CYFIP1: variants seen among roughly 807,000 people sequenced by gnomAD.
CYFIP1 encodes cytoplasmic FMR1-interacting protein 1.
CYFIP1 carries 58 observed loss-of-function variants against 163.5 expected under a neutral mutation model. That is an observed-to-expected ratio of 0.35 (90% CI 0.29 to 0.44). CYFIP1 has a LOEUF of 0.44. Ranked by LOEUF, CYFIP1 falls within the 20% of genes least tolerant of loss-of-function variation. The probability of loss-of-function intolerance (pLI) is 1.00; values close to 1 mark genes in which losing one functional copy is unlikely to be tolerated. For missense variants in CYFIP1, 1,338 were observed against 1,653.8 expected (o/e 0.81, Z 3.31); for synonymous variants, 663 against 660.7 (o/e 1.00, Z -0.05).
At chr15:22,923,905 T>C (rs572445898) in intron 13 of CYFIP1, among the ~76,000 whole-genome samples, 57 of 125,094 alleles carry the variant, frequency 4.6e-4, no homozygotes, top group African/African-American at 1.7e-3. Context: ...ATCCTGCCAC[T>C]GCACTCCAGT....
At chr15:22,967,430 T>C (rs370447520) in intron 1 of CYFIP1, among the ~76,000 whole-genome samples, 29 of 152,320 alleles carry the variant, frequency 1.9e-4, no homozygotes, top group African/African-American at 6.7e-4. Context: ...TAGTCTTGGC[T>C]AAGTCTACAG....
At position 22,869,558 on chromosome 15, in the gene CYFIP1, T is replaced by A. The variant is rs1032359820; in HGVS notation, c.*470A>T. On this transcript the variant is annotated 3_prime_UTR_variant, in exon 31 of 31. Transcript: ENST00000617928. ...TTTAGTGGAAGCAGGGGAATCAAGTTCACTATTTTCTGAAACACACAAAAA... is the reference window on the plus strand; with the variant it reads ...TTTAGTGGAAGCAGGGGAATCAAGTACACTATTTTCTGAAACACACAAAAA... The A allele has an allele frequency of 2.0e-5, 3 of 152,622 alleles. No individual in the cohort carries two copies. The highest frequency in any genetic ancestry group is 7.2e-5 in the African/African-American group (3 of 41,460). The allele number at this position is 152,622 out of a possible 1,614,324, so 9.5% of individuals were successfully genotyped here.
At position 22,939,294 on chromosome 15, in the gene CYFIP1, A is replaced by C; in HGVS notation, c.693T>G (p.Ile231Met). The change falls in exon 8 of 31, where the codon ATT becomes ATG. Residue 231 changes from isoleucine (I) to methionine (M), a missense_variant. Physicochemically the swap from Ile to Met is conservative, Grantham distance 10. Transcript: ENST00000617928. Reference sequence around the variant, plus strand: ...CTGCCAGGAGCTCTTCGTAGCCAGAAATCACTTCGAGCTGCTGCTGCAGAG... The same window carrying C: ...CTGCCAGGAGCTCTTCGTAGCCAGACATCACTTCGAGCTGCTGCTGCAGAG... ...TQSLQQQLEV[I>M]SGYEELLADI... 6.2e-7 allele frequency: 1 copy of C among 1,614,154 alleles called. No individual in the cohort carries two copies. The highest frequency in any genetic ancestry group is 8.5e-7 in the Non-Finnish European group (1 of 1,180,014).
rs376476955 is a variant in CYFIP1 at position 22,939,396 on chromosome 15, A to C, written c.666+15T>G. Reference sequence around the variant, plus strand: ...GCTTGGCCCATCAACCTGAGTGTGCAAACACCAGCCTTACCTGTGTGATCT... The same window carrying C: ...GCTTGGCCCATCAACCTGAGTGTGCCAACACCAGCCTTACCTGTGTGATCT... On this transcript the variant is annotated intron_variant, in intron 7 of 30. Transcript: ENST00000617928. The C allele has an allele frequency of 2.5e-6, 4 of 1,613,760 alleles. 1 individual carries two copies. The African/African-American group carries it at 4.0e-5, about 16-fold the overall frequency.
intron 8 of CYFIP1, among the ~76,000 whole-genome samples, chr15:22,937,744 G>A (rs922418924): frequency 1.2e-4 from 18 of 151,740 alleles, no homozygotes; most frequent in African/African-American, 3.6e-4. Context: ...GATTACAGGC[G>A]CCCATGACCA....
chr15:22,907,329 TCA>T (rs1382378326), intron 21 of CYFIP1, among the ~76,000 whole-genome samples: 1 of 152,160 alleles, frequency 6.6e-6, no homozygotes, highest in East Asian at 1.9e-4. Context: ...ATTGCCTGAC[TCA>T]CAGGGGTGCC....
intron 1 of CYFIP1, among the ~76,000 whole-genome samples, chr15:22,973,282 C>T (rs904462008): frequency 1.1e-4 from 15 of 139,976 alleles, no homozygotes; most frequent in Non-Finnish European, 1.7e-4. Context: ...CCACTGCATT[C>T]CAGCCTGGGT....
At chr15:22,879,407 C>T (rs1175109267) in intron 26 of CYFIP1, among the ~76,000 whole-genome samples, 2 of 152,158 alleles carry the variant, frequency 1.3e-5, no homozygotes, top group African/African-American at 2.4e-5. Flanking sequence ...CACTGTGCCA[C>T]GTCCTAAGAG....
intron 1 of CYFIP1, among the ~76,000 whole-genome samples, chr15:22,964,400 CA>C (rs2062827812): frequency 4.0e-5 from 6 of 148,164 alleles, no homozygotes; most frequent in Admixed American, 2.0e-4. Flanking sequence ...CACACACACA[CA>C]CACACACCCG....
intron 23 of CYFIP1, among the ~76,000 whole-genome samples, chr15:22,883,255 C>G (rs963401593): frequency 6.6e-6 from 1 of 152,114 alleles, no homozygotes; most frequent in Non-Finnish European, 1.5e-5. Context: ...GTTGAATAGC[C>G]GACTCGCTAG....
rs139596586 is a variant in CYFIP1 at position 22,877,873 on chromosome 15, C to T, written c.3042+2040G>A. 3.1e-3 allele frequency among the ~76,000 whole-genome samples: 474 copies of T among 152,364 alleles called. 7 individuals are homozygous for T. In the East Asian group the frequency reaches 0.043, roughly 14 times the overall value. The stretch of plus-strand genomic sequence containing the variant: ...CTGATGGAGGCTGTCAGCTCCCAGG[C>T]GTGTCACGCCTGACCTCGGACTCCC... On this transcript the variant is annotated intron_variant, in intron 26 of 30. Coordinates refer to ENST00000617928, the MANE Select transcript of CYFIP1 (RefSeq NM_014608.6).
At chr15:22,930,556 C>T (rs2061507793) in intron 11 of CYFIP1, among the ~76,000 whole-genome samples, 1 of 152,082 alleles carries the variant, frequency 6.6e-6, no homozygotes, top group Non-Finnish European at 1.5e-5. Flanking sequence ...GGAAAAATTC[C>T]TACTGCCTAG....
In CYFIP1 at chr15:22,917,610, G is replaced by T; in HGVS notation, c.1674+178C>A. ...TGACAATCAAGGCACGTCTCCTCAC[G>T]CTCCCAACTCACTTGGGTGGGAAAC... On this transcript the variant is annotated intron_variant, in intron 15 of 30. Transcript: ENST00000617928. This position sits in a 1 kb window ranked among gnomAD's most constrained non-coding sequence, Gnocchi z 4.2. 1.3e-6 allele frequency: 1 copy of T among 750,330 alleles called. No individual in the cohort carries two copies. Among genetic ancestry groups the T allele is most frequent in the Non-Finnish European group, 2.0e-6 (1 of 488,766 alleles). 46.5% of individuals were successfully genotyped at this position (750,330 alleles called of 1,614,324 possible).
intron 1 of CYFIP1, among the ~76,000 whole-genome samples, chr15:22,956,953 G>C (rs1405602597): frequency 6.6e-6 from 1 of 152,246 alleles, no homozygotes; most frequent in Non-Finnish European, 1.5e-5. Flanking sequence ...GCTTTTCACA[G>C]GGACCGAACA....
chr15:22,961,919 C>T (rs898697550), intron 1 of CYFIP1, among the ~76,000 whole-genome samples: 2 of 152,138 alleles, frequency 1.3e-5, no homozygotes, highest in Non-Finnish European at 2.9e-5. Context: ...ATCATATTAG[C>T]TTTTCCCTTT....
chr15:22,949,842 C>A (rs1243885926), intron 1 of CYFIP1, among the ~76,000 whole-genome samples: 5 of 151,628 alleles, frequency 3.3e-5, no homozygotes, highest in African/African-American at 7.3e-5. Flanking sequence ...TTAGAGCAAC[C>A]ACCGAAGAAA....
At chr15:22,901,683 G>A (rs1450474466) in intron 22 of CYFIP1, among the ~76,000 whole-genome samples, 2 of 152,232 alleles carry the variant, frequency 1.3e-5, no homozygotes, top group African/African-American at 2.4e-5. Flanking sequence ...TCACTAACCG[G>A]AAGTTAGGCC....
At chr15:22,883,766 G>A (rs776034356) in intron 23 of CYFIP1, among the ~76,000 whole-genome samples, 4 of 144,684 alleles carry the variant, frequency 2.8e-5, no homozygotes, top group Non-Finnish European at 6.0e-5. Flanking sequence ...GCAGTGAGCC[G>A]AGATCGCGCC....
chr15:22,947,453 C>T, intron 1 of CYFIP1, 162 bp from the exon 2 acceptor site: 1 of 972,164 alleles, frequency 1.0e-6, no homozygotes, highest in Non-Finnish European at 1.5e-6. Context: ...GCGTGTCTCT[C>T]TCAGGGCACG....
Sources: allele counts gnomAD v4.1 joint callset (sites outside exome capture counted in the v4.1 genomes callset), GRCh38; gene constraint gnomAD v4.1.1; non-coding constraint Gnocchi (gnomAD v3.1); transcripts MANE v1.5; gene names NCBI Gene and HGNC (gene_info 2026-07-23, HGNC 2026-07-21).